Variants in CPD observed in about 807,000 individuals in gnomAD.
The protein encoded by CPD is carboxypeptidase D, also known as metallocarboxypeptidase D.
CPD carries 69 observed loss-of-function variants against 138.3 expected under a neutral mutation model. That is an observed-to-expected ratio of 0.50 (90% CI 0.41 to 0.61). CPD has a LOEUF of 0.61. CPD is among the 20% of genes least tolerant of loss of function. The pLI, the probability that CPD is intolerant of heterozygous loss-of-function variation, is 0.00. For missense variants in CPD, 1,432 were observed against 1,733.3 expected, an observed-to-expected ratio of 0.83 and a Z score of 3.09; for synonymous variants, 651 against 642.1, an observed-to-expected ratio of 1.01 and a Z score of -0.21.
intron 2 of CPD, among the ~76,000 whole-genome samples, chr17:30,410,853 T>C (rs1487573200): frequency 6.6e-6 from 1 of 152,224 alleles, no homozygotes; most frequent in Non-Finnish European, 1.5e-5. Context: ...TTTAGCCCAT[T>C]TACATTTAAG....
At chr17:30,421,571 T>G in intron 3 of CPD, 93 bp from the exon 4 acceptor site, 1 of 1,102,688 alleles carries the variant, frequency 9.1e-7, no homozygotes. Context: ...AGTCACTTTA[T>G]TTTTTAGAAA....
chr17:30,394,836 T>G (rs1305626773), intron 2 of CPD, among the ~76,000 whole-genome samples: 1 of 151,622 alleles, frequency 6.6e-6, no homozygotes, highest in Non-Finnish European at 1.5e-5. Context: ...TTAGAAAGAA[T>G]GGGAGTGGGA....
chr17:30,438,030 G>A (rs1232140351), intron 8 of CPD, among the ~76,000 whole-genome samples: 1 of 120,758 alleles, frequency 8.3e-6, no homozygotes. Context: ...TTTTTGTAGA[G>A]ATGAGGTCTC....
At chr17:30,414,591 A>C (rs1487858644) in intron 2 of CPD, among the ~76,000 whole-genome samples, 6 of 152,088 alleles carry the variant, frequency 3.9e-5, no homozygotes, top group Non-Finnish European at 8.8e-5. Flanking sequence ...GGAAAAAAAA[A>C]AAAAAGAGTG....
intron 13 of CPD, among the ~76,000 whole-genome samples, chr17:30,451,078 C>G (rs894680040): frequency 4.6e-5 from 7 of 152,156 alleles, no homozygotes; most frequent in African/African-American, 1.7e-4. Context: ...ATTATATCCT[C>G]AACCCTGTGA....
rs776737002 is a variant in CPD, at chr17:30,379,680, G to A, written c.700G>A (p.Glu234Lys). The A allele has an allele frequency of 3.0e-5, 46 of 1,517,912 alleles. No individual in the cohort carries two copies. Among genetic ancestry groups the A allele is most frequent in the Non-Finnish European group, 3.9e-5 (45 of 1,150,702 alleles). The allele number at this position is 1,517,912 out of a possible 1,614,324, so 94.0% of individuals were successfully genotyped here. Residue 234 changes from glutamate (E) to lysine (K), a missense_variant, in exon 1 of 21, where the codon GAG becomes AAG. Coordinates refer to ENST00000225719, the MANE Select transcript of CPD (RefSeq NM_001304.5). The surrounding 1 kb of genome is among the most constrained non-coding windows in gnomAD (Gnocchi z 7.0). ...FSTGEPPALD[E>K]VPEVRALIEW... Reference sequence around the variant, plus strand: ...CACCGGCGAACCCCCCGCCCTGGACGAGGTGCCCGAGGTGCGCGCCCTCAT... The same window carrying A: ...CACCGGCGAACCCCCCGCCCTGGACAAGGTGCCCGAGGTGCGCGCCCTCAT...
At chr17:30,392,262 G>A (rs1911379509) in intron 2 of CPD, among the ~76,000 whole-genome samples, 1 of 151,896 alleles carries the variant, frequency 6.6e-6, no homozygotes, top group African/African-American at 2.4e-5. Context: ...TGCTCGCCTC[G>A]GCCTCCCAAA....
At chr17:30,434,899 T>A (rs1052777705) in intron 8 of CPD, among the ~76,000 whole-genome samples, 1 of 150,882 alleles carries the variant, frequency 6.6e-6, no homozygotes, top group East Asian at 2.0e-4. Flanking sequence ...ATCATAAAAA[T>A]AAAGAGGAAA....
At chr17:30,423,052 C>A in intron 5 of CPD, 29 bp downstream of exon 5, 1 of 1,498,246 alleles carries the variant, frequency 6.7e-7, no homozygotes, top group South Asian at 1.2e-5. Context: ...CACATAATTT[C>A]AGTAGTGCCC....
intron 2 of CPD, among the ~76,000 whole-genome samples, chr17:30,412,570 C>T (rs1287822639): frequency 6.6e-6 from 1 of 152,180 alleles, no homozygotes; most frequent in African/African-American, 2.4e-5. Context: ...TTAACCTACT[C>T]AAGCCTCAGC....
intron 7 of CPD, among the ~76,000 whole-genome samples, chr17:30,428,530 A>G (rs183882787): frequency 2.6e-5 from 4 of 152,354 alleles, no homozygotes; most frequent in East Asian, 3.9e-4. Flanking sequence ...GTGCTGATAC[A>G]TGCTACAACA....
At chr17:30,402,187 G>A (rs188718575) in intron 2 of CPD, among the ~76,000 whole-genome samples, 303 of 151,390 alleles carry the variant, frequency 2.0e-3, no homozygotes, top group Non-Finnish European at 3.5e-3. Flanking sequence ...TTTAGTTACT[G>A]TATTTTTCTG....
At chr17:30,387,560 G>C (rs1911226368) in intron 2 of CPD, among the ~76,000 whole-genome samples, 1 of 152,204 alleles carries the variant, frequency 6.6e-6, no homozygotes, top group Admixed American at 6.5e-5. Flanking sequence ...AGGGAACTTA[G>C]AAGGAATAAG....
Position 30,461,882 on chromosome 17 carries a change from CA to C in CPD, c.3638del (p.Lys1213ArgfsTer26). Reference protein sequence around the residue: ...SLLSMLVEVHKGVHGFVKDKT... With the variant: ...SLLSMLVEVHXGVHGFVKDKT... ...TATTTTAAACATTTTTTCAGGTTCA[CA>C]AGGGAGTTCATGGATTTGTTAAAGA... On this transcript the variant is annotated frameshift_variant, in exon 19 of 21. Transcript: ENST00000225719. LOFTEE classifies it high-confidence loss of function. The C allele has an allele frequency of 6.3e-7, 1 of 1,595,076 alleles. No homozygotes were observed. Among genetic ancestry groups the C allele is most frequent in the Non-Finnish European group, 8.5e-7 (1 of 1,171,956 alleles).
At chr17:30,390,628 C>G (rs1441503818) in intron 2 of CPD, among the ~76,000 whole-genome samples, 1 of 152,154 alleles carries the variant, frequency 6.6e-6, no homozygotes, top group Non-Finnish European at 1.5e-5. Flanking sequence ...GATTTGGGCC[C>G]TAGTGCCTTT....
chr17:30,406,877 C>T (rs1911814620), intron 2 of CPD, among the ~76,000 whole-genome samples: 1 of 151,940 alleles, frequency 6.6e-6, no homozygotes, highest in Non-Finnish European at 1.5e-5. Flanking sequence ...AGGTTTGTTA[C>T]ATAGGTATAC....
Position 30,385,040 on chromosome 17 carries a change from T to A in CPD, c.798T>A (p.Pro266=). Residue 266 remains proline (P), a synonymous_variant, in exon 2 of 21, where the codon CCT becomes CCA. Coordinates refer to ENST00000225719, the MANE Select transcript of CPD (RefSeq NM_001304.5). ...GTGGCTCAGTGGTAGCAAGCTATCC[T>A]TTTGATGATTCTCCAGAACATAAGG... The part of the protein sequence containing the change: ...LHGGSVVASY[P]FDDSPEHKAT... 6.2e-7 allele frequency: 1 copy of A among 1,614,130 alleles called. No individual in the cohort carries two copies. The highest frequency in any genetic ancestry group is 8.5e-7 in the Non-Finnish European group (1 of 1,179,968).
At chr17:30,429,560 A>G (rs1359835050) in intron 7 of CPD, among the ~76,000 whole-genome samples, 1 of 152,224 alleles carries the variant, frequency 6.6e-6, no homozygotes, top group Non-Finnish European at 1.5e-5. Flanking sequence ...GAGCTTGTGA[A>G]TTAAGCTGAT....
At chr17:30,431,002 A>G (rs910726270) in intron 7 of CPD, among the ~76,000 whole-genome samples, 15 of 152,288 alleles carry the variant, frequency 9.8e-5, no homozygotes, top group African/African-American at 3.4e-4. Flanking sequence ...TGAAATTGTC[A>G]TATGATAATT....
Sources: gnomAD v4.1 joint callset for allele counts (sites outside exome capture counted in the v4.1 genomes callset) on GRCh38, gnomAD v4.1.1 for gene constraint, Gnocchi (gnomAD v3.1) non-coding constraint, MANE v1.5 for transcripts, NCBI Gene and HGNC (gene_info 2026-07-23, HGNC 2026-07-21) for gene names.